The following MAP3K15 variants were observed in gnomAD, a reference collection of about 807,000 sequenced individuals.
The protein encoded by MAP3K15 is MAPK/ERK kinase kinase 15.
Under a neutral mutation model 99.5 loss-of-function variants are expected in MAP3K15, and 124 were observed. The observed-to-expected ratio is 1.25, with a 90% CI of 1.08 to 1.45. The LOEUF (loss-of-function observed/expected upper bound fraction) is 1.45, where lower values mean the gene tolerates loss of function less well. Ranked by LOEUF, MAP3K15 falls within the 40% of genes most tolerant of loss-of-function variation. The probability of loss-of-function intolerance (pLI) is 0.00; values close to 1 mark genes in which losing one functional copy is unlikely to be tolerated. For missense variants in MAP3K15, 1,242 were observed against 1,079.7 expected (o/e 1.15, Z -2.11); for synonymous variants, 494 against 439.6 (o/e 1.12, Z -1.55).
At chrX:19,430,068 C>T (rs763288687) in intron 7 of MAP3K15, among the ~76,000 whole-genome samples, 35 of 112,079 alleles carry the variant, frequency 3.1e-4, no homozygotes, top group Non-Finnish European at 5.3e-4. Context: ...CAAATTCCTC[C>T]CATCGCAATA....
intron 1 of MAP3K15, among the ~76,000 whole-genome samples, chrX:19,510,146 T>C (rs1835149473): frequency 8.9e-6 from 1 of 112,268 alleles, no homozygotes; most frequent in Non-Finnish European, 1.9e-5. Flanking sequence ...AGCCGAATTC[T>C]ACCAGAGGTA....
intron 7 of MAP3K15, among the ~76,000 whole-genome samples, chrX:19,430,636 C>G (rs1319793341): frequency 9.0e-6 from 1 of 110,919 alleles, no homozygotes; most frequent in African/African-American, 3.3e-5. Context: ...CTGCTCAAAC[C>G]CTCCATTTGA....
chrX:19,472,222 TC>T (rs2064212561), intron 3 of MAP3K15, among the ~76,000 whole-genome samples: 2 of 73,102 alleles, frequency 2.7e-5, no homozygotes, highest in African/African-American at 5.5e-5. Flanking sequence ...AGACTCTGTC[TC>T]AAAAATAATA....
intron 2 of MAP3K15, among the ~76,000 whole-genome samples, chrX:19,487,050 A>G (rs1349514822): frequency 1.9e-5 from 2 of 103,355 alleles, no homozygotes; most frequent in Non-Finnish European, 3.9e-5. Context: ...ATTCAATGAC[A>G]ACAATTCTAG....
chrX:19,449,112 A>G (rs2064020971), intron 6 of MAP3K15, among the ~76,000 whole-genome samples: 1 of 109,875 alleles, frequency 9.1e-6, no homozygotes, highest in Non-Finnish European at 1.9e-5. Context: ...TTAAGCAACC[A>G]TAATTCCTAC....
intron 1 of MAP3K15, among the ~76,000 whole-genome samples, chrX:19,501,633 T>C (rs776589990): frequency 2.2e-4 from 25 of 112,585 alleles, no homozygotes; most frequent in Non-Finnish European, 4.1e-4. Context: ...AGCTGTCATC[T>C]GTGCCCACTG....
chrX:19,412,747 T>C (rs370462962), intron 11 of MAP3K15, among the ~76,000 whole-genome samples: 1 of 110,902 alleles, frequency 9.0e-6, no homozygotes, highest in African/African-American at 3.3e-5. Context: ...TACTATTTTA[T>C]TTTTCTAGAG....
chrX:19,460,749 T>TTTTG, intron 4 of MAP3K15, among the ~76,000 whole-genome samples: 1 of 108,857 alleles, frequency 9.2e-6, no homozygotes, highest in African/African-American at 3.4e-5. Flanking sequence ...TGTTCTGTTT[T>TTTTG]TTTGTTTTTT....
chrX:19,474,542 TTG>T lies in MAP3K15; in HGVS notation c.526-10138_526-10137del, dbSNP rs1491447387. ...CCTGAGATCCAGTCATTCTTGGAGG[TTG>T]GGGGGGGGGGTCTGTGAACTTGAAA... On this transcript the variant is annotated intron_variant, in intron 3 of 28. Coordinates refer to ENST00000338883, the MANE Select transcript of MAP3K15 (RefSeq NM_001001671.4). 1.3e-3 allele frequency among the ~76,000 whole-genome samples: 67 copies of T among 50,464 alleles called. 4 individuals carry two copies. Among genetic ancestry groups the T allele is most frequent in the African/African-American group, 5.8e-3 (60 of 10,343 alleles). The allele number at this position is 50,464 out of a possible 115,157, so 43.8% of individuals were successfully genotyped here.
At chrX:19,374,375 G>A in intron 20 of MAP3K15, 102 bp downstream of exon 20, 1 of 804,012 alleles carries the variant, frequency 1.2e-6, no homozygotes, top group Non-Finnish European at 1.8e-6. Context: ...AGCAGCCCAG[G>A]GCTCTGGATA....
chrX:19,494,195 G>A (rs1390325472), intron 1 of MAP3K15, among the ~76,000 whole-genome samples: 4 of 111,277 alleles, frequency 3.6e-5, no homozygotes, highest in Admixed American at 2.9e-4. Flanking sequence ...GCATGGTGGC[G>A]TGTGCCTGAA....
In MAP3K15 at chrX:19,425,638, GTTCA is replaced by G; in HGVS notation, c.1328_1331del (p.Met443ThrfsTer32). On this transcript the variant is annotated frameshift_variant, in exon 9 of 29. Coordinates refer to ENST00000338883, the MANE Select transcript of MAP3K15 (RefSeq NM_001001671.4). LOFTEE classifies it high-confidence loss of function. ...AGAACTGACCCACATCCCAGTAATTGTTCATTTTCTCCAAGCTCCCTTTTCTTCC... is the reference window on the plus strand; with the variant it reads ...AGAACTGACCCACATCCCAGTAATTGTTTTCTCCAAGCTCCCTTTTCTTCC... 1 of 1,199,180 alleles carries G rather than the reference GTTCA, an allele frequency of 8.3e-7. No individual in the cohort carries two copies. Among genetic ancestry groups the G allele is most frequent in the Non-Finnish European group, 1.1e-6 (1 of 894,539 alleles).
chrX:19,388,324 A>G lies in MAP3K15; in HGVS notation c.2431+3678T>C, dbSNP rs748999326. ...AAGTGTCATTATGACTTTCTCTGTT[A>G]TGTAAGGGTGGCTGGAAAAGTCAAA... On this transcript the variant is annotated intron_variant, in intron 18 of 28. Coordinates refer to ENST00000338883, the MANE Select transcript of MAP3K15 (RefSeq NM_001001671.4). Among the ~76,000 whole-genome samples the G allele has an allele frequency of 7.2e-5, 8 of 111,783 alleles. 1 individual carries two copies. Among genetic ancestry groups the G allele is most frequent in the Admixed American group, 3.8e-4 (4 of 10,500 alleles).
intron 1 of MAP3K15, among the ~76,000 whole-genome samples, chrX:19,490,896 A>C (rs919389811): frequency 8.9e-6 from 1 of 111,995 alleles, no homozygotes; most frequent in African/African-American, 3.2e-5. Flanking sequence ...TTTAAAACTC[A>C]AAACATTCTA....
In MAP3K15 at chrX:19,379,738, G is replaced by A. The variant is rs147208509; in HGVS notation, c.2589+382C>T. Reference sequence around the variant, plus strand: ...ATTACAGGCGTGAGCCACCGCGCCCGGCCTATATTTTCCTTTGGATGAAGC... The same window carrying A: ...ATTACAGGCGTGAGCCACCGCGCCCAGCCTATATTTTCCTTTGGATGAAGC... On this transcript the variant is annotated intron_variant, in intron 19 of 28. Transcript: ENST00000338883. Among the ~76,000 whole-genome samples, 302 of 111,144 alleles carry A rather than the reference G, an allele frequency of 2.7e-3. 1 individual carries two copies. The highest frequency in any genetic ancestry group is 8.5e-3 in the African/African-American group (260 of 30,543).
At chrX:19,428,431 C>T (rs2063850525) in intron 7 of MAP3K15, among the ~76,000 whole-genome samples, 1 of 111,281 alleles carries the variant, frequency 9.0e-6, no homozygotes, top group Non-Finnish European at 1.9e-5. Flanking sequence ...CCTTCGATAC[C>T]CTGAGTGACT....
Position 19,473,114 on chromosome X carries a change from A to T in MAP3K15, c.526-8708T>A, listed in dbSNP as rs149559992. ...AAAGAAAAGAAATGCATGAACTCTG[A>T]AACCAGTTGAGTGAGTTTAATGAAC... On this transcript the variant is annotated intron_variant, in intron 3 of 28. Transcript: ENST00000338883. 4.3e-4 allele frequency among the ~76,000 whole-genome samples: 48 copies of T among 112,418 alleles called. 1 individual carries two copies. In the East Asian group the frequency reaches 7.8e-3, roughly 18 times the overall value.
At chrX:19,431,761 C>T (rs1250933222) in intron 6 of MAP3K15, among the ~76,000 whole-genome samples, 153 bp from the exon 7 acceptor site, 1 of 111,146 alleles carries the variant, frequency 9.0e-6, no homozygotes, top group African/African-American at 3.3e-5. Flanking sequence ...GCCTGGCCAA[C>T]ATGGTGAAAA....
rs1044581308 is a variant in MAP3K15 at position 19,426,677 on chromosome X, T to C, written c.1167-334A>G. Among the ~76,000 whole-genome samples the C allele has an allele frequency of 3.7e-5, 4 of 107,920 alleles. No homozygotes were observed. In the Admixed American group the frequency reaches 4.0e-4, roughly 11 times the overall value. The allele number at this position is 107,920 out of a possible 115,157, so 93.7% of individuals were successfully genotyped here. A position where few individuals can be genotyped will look rare whatever the true frequency, so the allele number is the denominator to read the frequency against. Reference sequence around the variant, plus strand: ...AAAAAAACTACAAAAATTAGCTGGGTGTGGTGGTGTGTGCCTGTAATCCCA... The same window carrying C: ...AAAAAAACTACAAAAATTAGCTGGGCGTGGTGGTGTGTGCCTGTAATCCCA... On this transcript the variant is annotated intron_variant, in intron 7 of 28. Coordinates refer to ENST00000338883, the MANE Select transcript of MAP3K15 (RefSeq NM_001001671.4).
Sources: allele counts gnomAD v4.1 joint callset (sites outside exome capture counted in the v4.1 genomes callset), GRCh38; gene constraint gnomAD v4.1.1; transcripts MANE v1.5; gene names NCBI Gene and HGNC (gene_info 2026-07-23, HGNC 2026-07-21).